Variants in DMBT1 observed in about 807,000 individuals in gnomAD.
DMBT1 encodes the protein deleted in malignant brain tumors 1, also known as scavenger receptor cysteine-rich domain-containing protein DMBT1.
DMBT1 carries 198 observed loss-of-function variants against 252.9 expected under a neutral mutation model. The ratio of observed to expected loss-of-function variants is 0.78; its 90% CI spans 0.70 to 0.88. The LOEUF is 0.88. Ranked by LOEUF, DMBT1 falls within the 40% of genes least tolerant of loss-of-function variation. DMBT1 has a pLI of 0.00. For synonymous variants in DMBT1, 990 were observed against 942.7 expected, an observed-to-expected ratio of 1.05 and a Z score of -0.92; for missense variants, 2,432 against 2,404.7, an observed-to-expected ratio of 1.01 and a Z score of -0.24.
At chr10:122,632,487 C>T (rs548156110) in intron 50 of DMBT1, among the ~76,000 whole-genome samples, 7 of 152,188 alleles carry the variant, frequency 4.6e-5, no homozygotes, top group South Asian at 2.1e-4. Flanking sequence ...TCCATCTACA[C>T]GGAGGTTCCC....
chr10:122,574,494 G>A (rs997224794), intron 6 of DMBT1, among the ~76,000 whole-genome samples: 1 of 152,122 alleles, frequency 6.6e-6, no homozygotes, highest in Non-Finnish European at 1.5e-5. Flanking sequence ...TGTTCCTCAG[G>A]TCGTCTTCTT....
intron 46 of DMBT1, among the ~76,000 whole-genome samples, chr10:122,626,980 G>A (rs373728546): frequency 2.2e-3 from 338 of 152,266 alleles, no homozygotes; most frequent in African/African-American, 7.6e-3. Flanking sequence ...GGTGGGGTGC[G>A]GGCAAGGAGG....
At chr10:122,589,579 G>A (rs191433195) in intron 17 of DMBT1, among the ~76,000 whole-genome samples, 1 of 148,430 alleles carries the variant, frequency 6.7e-6, no homozygotes, top group Non-Finnish European at 1.5e-5. Context: ...AATGGCTGGG[G>A]TCAGGTTATT....
intron 6 of DMBT1, 91 bp downstream of exon 6, chr10:122,573,853 G>T (rs1426352141): frequency 1.3e-6 from 2 of 1,516,068 alleles, no homozygotes; most frequent in South Asian, 1.1e-5. Context: ...AGAGGGCATA[G>T]AAAGTAGGGT....
At position 122,636,684 on chromosome 10, in the gene DMBT1, A is replaced by G. The variant is rs571955148; in HGVS notation, c.6758-444A>G. On this transcript the variant is annotated intron_variant, in intron 53 of 55. Transcript: ENST00000338354. ...GTATGGCCATGATTTGAGTTGCTGT[A>G]TGGACTGATATGTAGAATGGCCAAG... 2.5e-4 allele frequency among the ~76,000 whole-genome samples: 38 copies of G among 152,364 alleles called. No homozygotes were observed. In the South Asian group the frequency reaches 7.9e-3, roughly 32 times the overall value.
At chr10:122,625,200 G>A in intron 44 of DMBT1, 77 bp from the exon 45 acceptor site, 3 of 1,401,882 alleles carry the variant, frequency 2.1e-6, no homozygotes, top group South Asian at 1.2e-5. Flanking sequence ...GATGAGATGG[G>A]GACAGGCACT....
rs759611059 is a variant in DMBT1, at chr10:122,586,253, G to T, written c.1653G>T (p.Gln551His). Residue 551 changes from glutamine to histidine, a missense_variant, in exon 16 of 56, where the codon CAG (glutamine) becomes CAT (histidine). By Grantham distance (24) the Gln-to-His change is conservative. Coordinates refer to ENST00000338354, the MANE Select transcript of DMBT1 (RefSeq NM_001377530.1). Reference sequence around the variant, plus strand: ...CCCCAGGAAATGCCCGGTTTGGTCAGGGCTCAGGACCCATTGTCCTGGATG... The same window carrying T: ...CCCCAGGAAATGCCCGGTTTGGTCATGGCTCAGGACCCATTGTCCTGGATG... The part of the protein sequence containing the change: ...MLAPGNARFG[Q>H]GSGPIVLDDV... 3.8e-6 allele frequency: 6 copies of T among 1,588,748 alleles called. 2 individuals carry two copies.
intron 14 of DMBT1, 74 bp from the exon 15 acceptor site, chr10:122,585,197 C>T: frequency 1.9e-6 from 3 of 1,540,620 alleles, no homozygotes; most frequent in Non-Finnish European, 2.7e-6. Context: ...TGCTCGCCTT[C>T]TCCGGAGACT....
chr10:122,561,734 C>G (rs904070746), intron 1 of DMBT1, among the ~76,000 whole-genome samples: 2 of 151,564 alleles, frequency 1.3e-5, no homozygotes, highest in Non-Finnish European at 2.9e-5. Flanking sequence ...CTTCCTCCTC[C>G]TCCCTCTGTT....
chr10:122,578,077 C>A (rs538633505), intron 8 of DMBT1, among the ~76,000 whole-genome samples: 2 of 152,342 alleles, frequency 1.3e-5, no homozygotes, highest in South Asian at 2.1e-4. Context: ...TCCCAATGAA[C>A]AACTCTTAGA....
Position 122,586,231 on chromosome 10 carries a change from C to T in DMBT1, c.1631C>T (p.Pro544Leu). Residue 544 changes from proline to leucine, a missense_variant, in exon 16 of 56, where the codon CCA (proline) becomes CTA (leucine). Physicochemically the swap from Pro to Leu is moderately conservative, Grantham distance 98 (BLOSUM62 -3). Around this residue, in one of 3 missense-constraint regions of DMBT1, gnomAD observed 1,264 missense variants for 1,082.2 expected, o/e 1.17. Coordinates refer to ENST00000338354, the MANE Select transcript of DMBT1 (RefSeq NM_001377530.1). ...QLGCGWAMLA[P>L]GNARFGQGSG... ...GGCTGTGGCTGGGCCATGTTGGCCC[C>T]AGGAAATGCCCGGTTTGGTCAGGGC... The T allele has an allele frequency of 6.3e-7, 1 of 1,588,870 alleles. No individual in the cohort carries two copies. The highest frequency in any genetic ancestry group is 8.6e-7 in the Non-Finnish European group (1 of 1,165,930).
At chr10:122,563,236 G>C (rs1385978553) in intron 1 of DMBT1, among the ~76,000 whole-genome samples, 1 of 152,180 alleles carries the variant, frequency 6.6e-6, no homozygotes, top group Non-Finnish European at 1.5e-5. Flanking sequence ...GCCTGCTGTG[G>C]ATCCTCTGTG....
chr10:122,629,533 T>C (rs539860239), intron 46 of DMBT1, among the ~76,000 whole-genome samples: 32 of 152,328 alleles, frequency 2.1e-4, no homozygotes, highest in Non-Finnish European at 1.3e-4. Flanking sequence ...TGAACAATGA[T>C]AGCTGTCACT....
chr10:122,634,404 T>C (rs201103665), intron 52 of DMBT1, among the ~76,000 whole-genome samples: 2,821 of 119,904 alleles, frequency 0.024, 28 homozygotes, highest in African/African-American at 0.046. Context: ...TTCTTTCTTT[T>C]CTTTCTTTCT....
At chr10:122,626,979 C>T (rs539579943) in intron 46 of DMBT1, among the ~76,000 whole-genome samples, 32 of 151,972 alleles carry the variant, frequency 2.1e-4, no homozygotes, top group African/African-American at 7.5e-4. Flanking sequence ...GGGTGGGGTG[C>T]GGGCAAGGAG....
chr10:122,621,015 T>G, intron 43 of DMBT1, 42 bp from the exon 44 acceptor site: 1 of 1,611,142 alleles, frequency 6.2e-7, no homozygotes, highest in Non-Finnish European at 8.5e-7. Context: ...ATCCTTGACC[T>G]CATAATCAGT....
Position 122,585,266 on chromosome 10 carries a change from T to C in DMBT1, c.1421-5T>C. ...TTCTAGCCTTTGTCTCTGTTGCAATTACAGACACGTTGCCGACCATCACCT... is the reference window on the plus strand; with the variant it reads ...TTCTAGCCTTTGTCTCTGTTGCAATCACAGACACGTTGCCGACCATCACCT... On this transcript the variant is annotated splice_polypyrimidine_tract_variant and splice_region_variant and intron_variant, in intron 14 of 55. Transcript: ENST00000338354. 8 of 1,586,612 alleles carry C rather than the reference T, an allele frequency of 5.0e-6. No homozygotes were observed. Among genetic ancestry groups the C allele is most frequent in the Non-Finnish European group, 6.9e-6 (8 of 1,164,280 alleles).
chr10:122,626,525 A>G (rs770819021), intron 46 of DMBT1, among the ~76,000 whole-genome samples: 1 of 152,230 alleles, frequency 6.6e-6, no homozygotes, highest in Admixed American at 6.5e-5. Context: ...CCTTTAGGAT[A>G]TAAATGGGTT....
chr10:122,635,980 T>G lies in DMBT1; in HGVS notation c.6549-11T>G, dbSNP rs1346345081. ...GGAAATGAAGCCAAATGGTGTGTCCTCTCTCTGCAGGCTTGAAGGTGGCTG... is the reference window on the plus strand; with the variant it reads ...GGAAATGAAGCCAAATGGTGTGTCCGCTCTCTGCAGGCTTGAAGGTGGCTG... On this transcript the variant is annotated splice_polypyrimidine_tract_variant and intron_variant, in intron 52 of 55. Coordinates refer to ENST00000338354, the MANE Select transcript of DMBT1 (RefSeq NM_001377530.1). 1 of 1,613,728 alleles carries G rather than the reference T, an allele frequency of 6.2e-7. No homozygotes were observed. The highest frequency in any genetic ancestry group is 1.1e-5 in the South Asian group (1 of 91,062).
Sources: gnomAD v4.1 joint callset for allele counts (sites outside exome capture counted in the v4.1 genomes callset) on GRCh38, gnomAD v4.1.1 for gene constraint, gnomAD v4.1.1 regional missense constraint, MANE v1.5 for transcripts, NCBI Gene and HGNC (gene_info 2026-07-23, HGNC 2026-07-21) for gene names.